The following BICC1 variants were observed in gnomAD, a reference collection of about 807,000 sequenced individuals.
BICC1 encodes BicC family RNA binding protein 1.
In BICC1, 43 loss-of-function variants were observed where a neutral mutation model predicts 111.0. That is an observed-to-expected ratio of 0.39 (90% CI 0.30 to 0.50). The LOEUF (loss-of-function observed/expected upper bound fraction) is 0.50. Among genes scored for constraint, BICC1 ranks in the 20% least tolerant of loss-of-function variants. The pLI, the probability that BICC1 is intolerant of heterozygous loss-of-function variation, is 0.88. For synonymous variants in BICC1, 467 were observed against 434.4 expected, an observed-to-expected ratio of 1.07 and a Z score of -0.93; for missense variants, 1,091 against 1,203.2, an observed-to-expected ratio of 0.91 and a Z score of 1.38.
At chr10:58,734,132 G>GT (rs1185522984) in intron 3 of BICC1, among the ~76,000 whole-genome samples, 1 of 152,192 alleles carries the variant, frequency 6.6e-6, no homozygotes, top group African/African-American at 2.4e-5. Flanking sequence ...CTGGGACTGT[G>GT]TTTAAGATCT....
At chr10:58,621,769 A>T (rs751697017) in intron 2 of BICC1, among the ~76,000 whole-genome samples, 20 of 151,950 alleles carry the variant, frequency 1.3e-4, no homozygotes, top group Non-Finnish European at 2.6e-4. Flanking sequence ...GTGGTCGCAG[A>T]TGCCTGTAAT....
At chr10:58,786,307 G>T (rs1032978504) in intron 4 of BICC1, among the ~76,000 whole-genome samples, 1 of 152,020 alleles carries the variant, frequency 6.6e-6, no homozygotes, top group African/African-American at 2.4e-5. Flanking sequence ...TATAACTAAT[G>T]TACTTTGAAT....
intron 1 of BICC1, among the ~76,000 whole-genome samples, chr10:58,524,143 T>G (rs1842467049): frequency 6.6e-6 from 1 of 152,102 alleles, no homozygotes. Context: ...ATTTATAGAT[T>G]CAATGCCATC....
At chr10:58,662,618 T>G (rs948194914) in intron 2 of BICC1, among the ~76,000 whole-genome samples, 7 of 152,172 alleles carry the variant, frequency 4.6e-5, no homozygotes, top group East Asian at 1.9e-4. Flanking sequence ...CGTATTACAA[T>G]GAGAAGGGCA....
chr10:58,635,997 T>C (rs898978367), intron 2 of BICC1, among the ~76,000 whole-genome samples: 3 of 152,232 alleles, frequency 2.0e-5, no homozygotes, highest in African/African-American at 7.2e-5. Context: ...AAAGTCAATT[T>C]TCTTGTTTTG....
chr10:58,734,827 T>G (rs1478352989), intron 3 of BICC1, among the ~76,000 whole-genome samples: 1 of 152,178 alleles, frequency 6.6e-6, no homozygotes, highest in Non-Finnish European at 1.5e-5. Flanking sequence ...ATTAAATACC[T>G]ATTTTAGGAA....
intron 1 of BICC1, among the ~76,000 whole-genome samples, chr10:58,556,427 A>G (rs1843451508): frequency 6.6e-6 from 1 of 152,124 alleles, no homozygotes; most frequent in Admixed American, 6.6e-5. Context: ...GGTTAAGAGT[A>G]TGAAGGAGAA....
At chr10:58,615,601 G>A (rs968645991) in intron 1 of BICC1, among the ~76,000 whole-genome samples, 3 of 152,088 alleles carry the variant, frequency 2.0e-5, no homozygotes, top group Non-Finnish European at 2.9e-5. Flanking sequence ...AACCCCCTAC[G>A]ATTCCTTGAG....
intron 3 of BICC1, among the ~76,000 whole-genome samples, chr10:58,723,852 G>A (rs1841015566): frequency 6.6e-6 from 1 of 152,130 alleles, no homozygotes; most frequent in African/African-American, 2.4e-5. Flanking sequence ...TGGGCTTATG[G>A]GTTGCTAATG....
chr10:58,802,926 C>T (rs1843593935), intron 14 of BICC1, 151 bp from the exon 15 acceptor site: 1 of 691,928 alleles, frequency 1.4e-6, no homozygotes, highest in African/African-American at 1.9e-5. Context: ...ACAGTAGTAC[C>T]TGTGTCATAG....
chr10:58,809,816 A>T (rs139047722), intron 17 of BICC1, among the ~76,000 whole-genome samples: 2 of 152,314 alleles, frequency 1.3e-5, no homozygotes, highest in East Asian at 3.9e-4. Context: ...ACAAACTCCT[A>T]GTAAGGAAAG....
chr10:58,742,306 T>C (rs1183609961), intron 3 of BICC1, among the ~76,000 whole-genome samples: 1 of 152,188 alleles, frequency 6.6e-6, no homozygotes. Context: ...GTATACTGTC[T>C]AGCTCTTACG....
At chr10:58,737,115 C>A (rs980405958) in intron 3 of BICC1, among the ~76,000 whole-genome samples, 2 of 151,916 alleles carry the variant, frequency 1.3e-5, no homozygotes, top group African/African-American at 2.4e-5. Flanking sequence ...TAAAATTATA[C>A]TTTAAGTTTT....
intron 3 of BICC1, among the ~76,000 whole-genome samples, chr10:58,778,100 C>T (rs1302397721): frequency 6.6e-6 from 1 of 151,990 alleles, no homozygotes; most frequent in Non-Finnish European, 1.5e-5. Flanking sequence ...GTAGTCCCAG[C>T]TACTCAGGAG....
At chr10:58,804,775 T>C (rs1050246715) in intron 15 of BICC1, among the ~76,000 whole-genome samples, 1 of 152,194 alleles carries the variant, frequency 6.6e-6, no homozygotes, top group Non-Finnish European at 1.5e-5. Context: ...GATGTATTTA[T>C]GTTGTTAGTG....
Position 58,796,348 on chromosome 10 carries a change from T to A in BICC1, c.1188T>A (p.Ile396=). 1 of 1,613,718 alleles carries A rather than the reference T, an allele frequency of 6.2e-7. No individual in the cohort carries two copies. ...PKPKQPSKSV[I]VKSVERNALN... ...ATTATGTGTTTTCATAGTCTGTGATTGTGAAAAGTGTTGAGCGAAATGCCT... is the reference window on the plus strand; with the variant it reads ...ATTATGTGTTTTCATAGTCTGTGATAGTGAAAAGTGTTGAGCGAAATGCCT... Residue 396 remains isoleucine (I), a synonymous_variant, in exon 10 of 21, where the codon ATT becomes ATA. Transcript: ENST00000373886.
intron 2 of BICC1, among the ~76,000 whole-genome samples, chr10:58,694,898 A>G (rs1398786451): frequency 6.6e-6 from 1 of 152,088 alleles, no homozygotes; most frequent in Non-Finnish European, 1.5e-5. Flanking sequence ...CCCCTTAAGT[A>G]TGTGGTGCCT....
chr10:58,814,126 C>T, intron 18 of BICC1, 140 bp downstream of exon 18: 1 of 983,558 alleles, frequency 1.0e-6, no homozygotes, highest in South Asian at 1.4e-5. Context: ...GTGAAGCCTC[C>T]TTGTTTCTCC....
In BICC1 at chr10:58,681,723, G is replaced by T. The variant is rs117915130; in HGVS notation, c.238-20351G>T. On this transcript the variant is annotated intron_variant, in intron 2 of 20. Transcript: ENST00000373886. The stretch of plus-strand genomic sequence containing the variant: ...GTGGACCCTCGCGGTGAGTGTTTCA[G>T]TTCTTAAAGATGGTGTATCCAGAGT... Among the ~76,000 whole-genome samples the T allele has an allele frequency of 5.1e-4, 77 of 152,244 alleles. 1 individual carries two copies. The East Asian group carries it at 0.01, about 20-fold the overall frequency.
Sources: allele counts gnomAD v4.1 joint callset (sites outside exome capture counted in the v4.1 genomes callset), GRCh38; gene constraint gnomAD v4.1.1; transcripts MANE v1.5; gene names NCBI Gene and HGNC (gene_info 2026-07-23, HGNC 2026-07-21).